The following PTPRE variants were observed in gnomAD, a reference collection of about 807,000 sequenced individuals.
PTPRE encodes the protein protein tyrosine phosphatase receptor type E.
A neutral mutation model predicts 102.0 loss-of-function variants in PTPRE; 51 were observed. The ratio of observed to expected loss-of-function variants is 0.50; its 90% CI spans 0.40 to 0.63. PTPRE has a LOEUF of 0.63. Among genes scored for constraint, PTPRE ranks in the 30% least tolerant of loss-of-function variants. PTPRE has a pLI of 0.00. For synonymous variants in PTPRE, 345 were observed against 348.2 expected, an observed-to-expected ratio of 0.99 and a Z score of 0.10; for missense variants, 752 against 915.1, an observed-to-expected ratio of 0.82 and a Z score of 2.30.
intron 1 of PTPRE, among the ~76,000 whole-genome samples, chr10:127,952,123 T>A (rs567175595): frequency 1.3e-5 from 2 of 152,332 alleles, no homozygotes; most frequent in Middle Eastern, 3.4e-3. Context: ...CTAGCCTATG[T>A]CACAATTGTT....
chr10:128,002,908 G>A (rs545969449), intron 2 of PTPRE, among the ~76,000 whole-genome samples: 17 of 152,000 alleles, frequency 1.1e-4, no homozygotes, highest in Non-Finnish European at 2.1e-4. Context: ...TCACCCAGGC[G>A]AGTCTTGAAC....
rs924349078 is a variant in PTPRE at position 128,028,395 on chromosome 10, C to T, written c.-7-12480C>T. Among the ~76,000 whole-genome samples the T allele has an allele frequency of 3.9e-5, 6 of 152,178 alleles. No homozygotes were observed. Among genetic ancestry groups the T allele is most frequent in the Non-Finnish European group, 8.8e-5 (6 of 68,030 alleles). On this transcript the variant is annotated intron_variant, in intron 2 of 20. Coordinates refer to ENST00000254667, the MANE Select transcript of PTPRE (RefSeq NM_006504.6). The surrounding 1 kb of genome is among the most constrained non-coding windows in gnomAD (Gnocchi z 4.5). The stretch of plus-strand genomic sequence containing the variant: ...GGATATCATTGAGCCCGCGCCCGCC[C>T]CAGGCTGGAATTGCTGGGCCGTGAT...
intron 2 of PTPRE, among the ~76,000 whole-genome samples, chr10:127,995,825 A>ACG (rs1331302589): frequency 3.9e-5 from 2 of 51,148 alleles, no homozygotes; most frequent in Non-Finnish European, 7.3e-5. Flanking sequence ...CTACACGAGC[A>ACG]CACACACACA....
intron 1 of PTPRE, among the ~76,000 whole-genome samples, chr10:127,956,541 T>C (rs985219678): frequency 2.0e-5 from 3 of 152,252 alleles, no homozygotes; most frequent in African/African-American, 7.2e-5. Flanking sequence ...TACATACATA[T>C]GTGGGTTTTT....
At position 127,997,674 on chromosome 10, in the gene PTPRE, A is replaced by G. The variant is rs115571510; in HGVS notation, c.-8+15378A>G. ...AGATATACAAATAGGAGAACAAAGC[A>G]TATTCAAAAATGAATATGGCAAAAG... On this transcript the variant is annotated intron_variant, in intron 2 of 20. Coordinates refer to ENST00000254667, the MANE Select transcript of PTPRE (RefSeq NM_006504.6). 9.2e-3 allele frequency among the ~76,000 whole-genome samples: 1,408 copies of G among 152,352 alleles called. 29 individuals are homozygous for G. The highest frequency in any genetic ancestry group is 0.032 in the African/African-American group (1,349 of 41,568).
chr10:127,925,257 C>T (rs1355848808), intron 1 of PTPRE, among the ~76,000 whole-genome samples: 2 of 152,196 alleles, frequency 1.3e-5, no homozygotes, highest in Non-Finnish European at 2.9e-5. Context: ...GCAAGAAAGA[C>T]GTTACAGTGT....
At chr10:128,063,513 T>C (rs1337162918) in intron 10 of PTPRE, among the ~76,000 whole-genome samples, 11 of 152,226 alleles carry the variant, frequency 7.2e-5, no homozygotes, top group Non-Finnish European at 7.3e-5. Flanking sequence ...GAGCGTGTCA[T>C]GCGGCAGAGC....
At chr10:127,981,498 T>A (rs11015986) in intron 1 of PTPRE, among the ~76,000 whole-genome samples, 27,984 of 150,546 alleles carry the variant, frequency 0.19, 2,684 homozygotes, top group Non-Finnish European at 0.22. Flanking sequence ...CTGTTTTTTT[T>A]TAAAAAATAA....
intron 1 of PTPRE, among the ~76,000 whole-genome samples, chr10:127,928,192 G>T (rs372971478): frequency 2.0e-5 from 3 of 152,164 alleles, no homozygotes; most frequent in Non-Finnish European, 2.9e-5. Flanking sequence ...CACTGTTTAC[G>T]CTTATCTGGC....
intron 1 of PTPRE, among the ~76,000 whole-genome samples, chr10:127,909,509 C>T (rs1845723391): frequency 6.6e-6 from 1 of 152,194 alleles, no homozygotes; most frequent in African/African-American, 2.4e-5. Flanking sequence ...TCCTCCGCAG[C>T]TGCCCACTTG....
intron 2 of PTPRE, among the ~76,000 whole-genome samples, chr10:128,015,996 A>G (rs943948068): frequency 3.9e-5 from 6 of 152,202 alleles, no homozygotes; most frequent in African/African-American, 7.2e-5. Flanking sequence ...AGGAAGCTCA[A>G]GGGCAGGCAA....
intron 2 of PTPRE, among the ~76,000 whole-genome samples, chr10:127,984,016 C>A (rs567642491): frequency 6.6e-6 from 1 of 152,046 alleles, no homozygotes; most frequent in Non-Finnish European, 1.5e-5. Context: ...CGGCCAGAGC[C>A]GCTTCAGGGG....
rs998462624 is a variant in PTPRE, at chr10:127,973,170, T to C, written c.-30-9104T>C. ...CTAAATGAATACTGCAGTGTTCTTT[T>C]ATGTGGAGGAGGGATTCATTACTGG... On this transcript the variant is annotated intron_variant, in intron 1 of 20. Coordinates refer to ENST00000254667, the MANE Select transcript of PTPRE (RefSeq NM_006504.6). Among the ~76,000 whole-genome samples the C allele has an allele frequency of 4.3e-4, 65 of 152,344 alleles. 1 individual carries two copies. Among genetic ancestry groups the C allele is most frequent in the African/African-American group, 1.3e-3 (56 of 41,564 alleles).
chr10:128,038,007 T>C (rs558238342), intron 2 of PTPRE, among the ~76,000 whole-genome samples: 15 of 143,152 alleles, frequency 1.0e-4, no homozygotes, highest in African/African-American at 3.1e-4. Context: ...CAGGGTTTCC[T>C]GGGCAGGCTA....
In PTPRE at chr10:128,076,630, G is replaced by C; in HGVS notation, c.1627G>C (p.Glu543Gln). 1.2e-6 allele frequency: 2 copies of C among 1,609,224 alleles called. No homozygotes were observed. Among genetic ancestry groups the C allele is most frequent in the Non-Finnish European group, 1.7e-6 (2 of 1,178,804 alleles). ...QDKCYQYWPTEGSVTHGEITI... is the reference protein window; with the variant it reads ...QDKCYQYWPTQGSVTHGEITI... ...TAAATGCTACCAGTATTGGCCAACCGAGGGCTCAGTTACTCATGGAGAAAT... is the reference window on the plus strand; with the variant it reads ...TAAATGCTACCAGTATTGGCCAACCCAGGGCTCAGTTACTCATGGAGAAAT... The change falls in exon 18 of 21, where the codon GAG becomes CAG. Residue 543 changes from glutamate to glutamine, a missense_variant. Physicochemically the swap from Glu to Gln is conservative, Grantham distance 29. Around this residue, in one of 2 missense-constraint regions of PTPRE, gnomAD observed 636 missense variants for 824.4 expected, o/e 0.77. Coordinates refer to ENST00000254667, the MANE Select transcript of PTPRE (RefSeq NM_006504.6).
At chr10:127,918,208 C>A (rs56147671) in intron 1 of PTPRE, among the ~76,000 whole-genome samples, 3,736 of 152,194 alleles carry the variant, frequency 0.025, 68 homozygotes, top group Non-Finnish European at 0.037. Context: ...GCTCCCATGA[C>A]TCTTATCTAA....
intron 2 of PTPRE, among the ~76,000 whole-genome samples, chr10:128,013,752 C>G (rs1169854578): frequency 6.6e-6 from 1 of 152,152 alleles, no homozygotes; most frequent in Non-Finnish European, 1.5e-5. Flanking sequence ...CCCCAGACAC[C>G]ACATCCGCTG....
intron 19 of PTPRE, among the ~76,000 whole-genome samples, chr10:128,078,349 C>T (rs543028570): frequency 6.6e-5 from 10 of 152,354 alleles, no homozygotes; most frequent in South Asian, 4.1e-4. Flanking sequence ...AAACACAGCA[C>T]GCCCAGGGGC....
rs1292964427 is a variant in PTPRE at position 128,008,918 on chromosome 10, G to A, written c.-8+26622G>A. ...AGTGCTAAGTCCCAGAAGTGACAGA[G>A]AGACAGAGAGAGGAGTCTCTGGTCT... On this transcript the variant is annotated intron_variant, in intron 2 of 20. Coordinates refer to ENST00000254667, the MANE Select transcript of PTPRE (RefSeq NM_006504.6). This position sits in a 1 kb window ranked among gnomAD's most constrained non-coding sequence, Gnocchi z 4.0. Among the ~76,000 whole-genome samples, 1 of 152,230 alleles carries A rather than the reference G, an allele frequency of 6.6e-6. No individual in the cohort carries two copies. The highest frequency in any genetic ancestry group is 2.4e-5 in the African/African-American group (1 of 41,452).
Sources: allele counts gnomAD v4.1 joint callset (sites outside exome capture counted in the v4.1 genomes callset), GRCh38; gene constraint gnomAD v4.1.1; regional missense constraint gnomAD v4.1.1; non-coding constraint Gnocchi (gnomAD v3.1); transcripts MANE v1.5; gene names NCBI Gene and HGNC (gene_info 2026-07-23, HGNC 2026-07-21).